MSRA: variants seen among roughly 807,000 people sequenced by gnomAD.
MSRA encodes methionine sulfoxide reductase A.
MSRA carries 54 observed loss-of-function variants against 31.3 expected under a neutral mutation model. The observed-to-expected ratio is 1.73, with a 90% confidence interval of 1.39 to 2.17. The LOEUF is 2.17. Among genes scored for constraint, MSRA ranks in the 30% most tolerant of loss-of-function variants. The pLI, the probability that MSRA is intolerant of heterozygous loss-of-function variation, is 0.00. For missense variants in MSRA, 507 were observed against 300.9 expected (o/e 1.69, Z -5.07); for synonymous variants, 169 against 116.5 (o/e 1.45, Z -2.90).
At chr8:10,165,144 CTAGGTTGAGAAGATCAGCTCT>C (rs1296215448) in intron 1 of MSRA, among the ~76,000 whole-genome samples, 3 of 152,122 alleles carry the variant, frequency 2.0e-5, no homozygotes, top group Non-Finnish European at 2.9e-5. Flanking sequence ...AATGTGCGGC[CTAGGTTGAGAAGATCAGCTCT>C]TAGAAGAATA....
chr8:10,281,001 G>A (rs1171662973), intron 3 of MSRA, among the ~76,000 whole-genome samples: 2 of 152,184 alleles, frequency 1.3e-5, no homozygotes, highest in Admixed American at 1.3e-4. Flanking sequence ...CTTGGACGGG[G>A]GAGATGGTGG....
At chr8:10,418,567 G>C (rs1186547980) in intron 5 of MSRA, among the ~76,000 whole-genome samples, 1 of 152,102 alleles carries the variant, frequency 6.6e-6, no homozygotes, top group Non-Finnish European at 1.5e-5. Context: ...TTGATTGTGA[G>C]TTTATCTGGG....
chr8:10,408,378 A>AT (rs1426222355), intron 5 of MSRA, among the ~76,000 whole-genome samples: 1 of 151,892 alleles, frequency 6.6e-6, no homozygotes, highest in African/African-American at 2.4e-5. Context: ...CTCTACCAAA[A>AT]TTTTTTTTAA....
At chr8:10,205,626 A>G (rs909741858) in intron 1 of MSRA, among the ~76,000 whole-genome samples, 1 of 152,236 alleles carries the variant, frequency 6.6e-6, no homozygotes, top group Non-Finnish European at 1.5e-5. Context: ...AGAAAAATCT[A>G]TAATTTTCAT....
intron 5 of MSRA, among the ~76,000 whole-genome samples, chr8:10,413,191 G>A (rs1048219542): frequency 3.9e-5 from 6 of 152,202 alleles, no homozygotes; most frequent in African/African-American, 1.4e-4. Context: ...AGAGAAGGCC[G>A]AGTGGAGAAC....
intron 5 of MSRA, among the ~76,000 whole-genome samples, chr8:10,411,999 A>G (rs1479882924): frequency 6.6e-6 from 1 of 152,252 alleles, no homozygotes; most frequent in African/African-American, 2.4e-5. Flanking sequence ...ATCACATTTC[A>G]TAAACTCAGA....
chr8:10,311,378 G>T (rs916261505), intron 4 of MSRA, among the ~76,000 whole-genome samples: 3 of 152,290 alleles, frequency 2.0e-5, no homozygotes, highest in East Asian at 1.9e-4. Flanking sequence ...CCCAGAAAAT[G>T]CGAGCTTTGA....
intron 5 of MSRA, among the ~76,000 whole-genome samples, chr8:10,419,491 G>A (rs1037527453): frequency 4.6e-5 from 7 of 152,264 alleles, no homozygotes; most frequent in Middle Eastern, 6.8e-3. Flanking sequence ...GTAGAATAAC[G>A]GCCCCACCCT....
chr8:10,427,491 C>T (rs1017827562), intron 5 of MSRA, among the ~76,000 whole-genome samples: 1 of 152,282 alleles, frequency 6.6e-6, no homozygotes, highest in East Asian at 1.9e-4. Flanking sequence ...TGCCCTGACT[C>T]CCCAGGCTCC....
chr8:10,249,609 AC>A (rs1797812242), intron 3 of MSRA, among the ~76,000 whole-genome samples: 1 of 152,002 alleles, frequency 6.6e-6, no homozygotes, highest in Admixed American at 6.6e-5. Context: ...CTGAATTCTA[AC>A]CCCTCTGAAA....
At position 10,247,917 on chromosome 8, in the gene MSRA, C is replaced by T. The variant is rs4295669; in HGVS notation, c.331+2694C>T. ...GGGAAGGAGAACAAATAAGGTCCCT[C>T]GCTAGAGTAATTATGGTAACTAGCT... is the stretch of plus-strand genomic sequence containing the variant. On this transcript the variant is annotated intron_variant, in intron 3 of 5. Transcript: ENST00000317173. Among the ~76,000 whole-genome samples the T allele has an allele frequency of 3.9e-5, 6 of 151,954 alleles. No homozygotes were observed. The South Asian group carries it at 6.2e-4, about 16-fold the overall frequency.
intron 1 of MSRA, among the ~76,000 whole-genome samples, chr8:10,154,786 A>C (rs1450461912): frequency 6.6e-6 from 1 of 152,122 alleles, no homozygotes; most frequent in Non-Finnish European, 1.5e-5. Context: ...TTGTATGAAG[A>C]TCATTTAAAG....
intron 5 of MSRA, among the ~76,000 whole-genome samples, chr8:10,359,471 C>T (rs1804709356): frequency 6.6e-6 from 1 of 152,100 alleles, no homozygotes. Flanking sequence ...AAGTAATATG[C>T]TGCATATTTT....
chr8:10,278,997 G>GA (rs1282841261), intron 3 of MSRA, among the ~76,000 whole-genome samples: 2 of 151,806 alleles, frequency 1.3e-5, no homozygotes, highest in African/African-American at 2.4e-5. Context: ...CAGTAGAATT[G>GA]AAAAAAAATT....
intron 1 of MSRA, among the ~76,000 whole-genome samples, chr8:10,143,567 C>T (rs1182594383): frequency 1.3e-5 from 2 of 152,130 alleles, no homozygotes; most frequent in Admixed American, 6.5e-5. Context: ...ACATTATTGC[C>T]AGACATAAAA....
intron 1 of MSRA, among the ~76,000 whole-genome samples, chr8:10,132,325 G>A (rs924277418): frequency 6.6e-6 from 1 of 152,148 alleles, no homozygotes; most frequent in Non-Finnish European, 1.5e-5. Context: ...TGTTCTTTTT[G>A]TCACTGAATT....
At chr8:10,238,960 G>C (rs1812176844) in intron 2 of MSRA, among the ~76,000 whole-genome samples, 1 of 152,094 alleles carries the variant, frequency 6.6e-6, no homozygotes, top group South Asian at 2.1e-4. Flanking sequence ...GAAGGGAAAA[G>C]CAAATCAGAT....
intron 3 of MSRA, among the ~76,000 whole-genome samples, chr8:10,247,360 C>A (rs1434114324): frequency 2.6e-5 from 4 of 152,178 alleles, no homozygotes; most frequent in African/African-American, 9.6e-5. Flanking sequence ...TGGTGTAAGT[C>A]TCCCAGCTGT....
At chr8:10,211,190 A>G (rs1440953054) in intron 2 of MSRA, among the ~76,000 whole-genome samples, 2 of 152,200 alleles carry the variant, frequency 1.3e-5, no homozygotes, top group Non-Finnish European at 2.9e-5. Flanking sequence ...AAAGACAGAT[A>G]GAGTGTGGGA....
Sources: allele counts gnomAD v4.1 joint callset (sites outside exome capture counted in the v4.1 genomes callset), GRCh38; gene constraint gnomAD v4.1.1; transcripts MANE v1.5; gene names NCBI Gene and HGNC (gene_info 2026-07-23, HGNC 2026-07-21).